TAGAP: variants seen among roughly 807,000 people sequenced by gnomAD.
The protein encoded by TAGAP is T cell activation RhoGTPase activating protein.
A neutral mutation model predicts 36.0 loss-of-function variants in TAGAP; 16 were observed. That is an observed-to-expected ratio of 0.44 (90% confidence interval 0.30 to 0.68). TAGAP has a LOEUF of 0.68. TAGAP is among the 30% of genes least tolerant of loss of function. The pLI is 0.09. For missense variants in TAGAP, 794 were observed against 921.5 expected (o/e 0.86, Z 1.79); for synonymous variants, 372 against 377.4 (o/e 0.99, Z 0.17).
In TAGAP at chr6:159,042,256, A is replaced by G; in HGVS notation, c.149-12T>C. On this transcript the variant is annotated splice_polypyrimidine_tract_variant and intron_variant, in intron 4 of 9. Coordinates refer to ENST00000367066, the MANE Select transcript of TAGAP (RefSeq NM_054114.5). Reference sequence around the variant, plus strand: ...TCTCTTCTTAACTTCTACAGCCAAGAAAACAAGGCAACGAGAAAAATTAGA... The same window carrying G: ...TCTCTTCTTAACTTCTACAGCCAAGGAAACAAGGCAACGAGAAAAATTAGA... 5 of 1,601,518 alleles carry G rather than the reference A, an allele frequency of 3.1e-6. No homozygotes were observed. Among genetic ancestry groups the G allele is most frequent in the Non-Finnish European group, 3.4e-6 (4 of 1,175,708 alleles).
At position 159,041,106 on chromosome 6, in the gene TAGAP, G is replaced by C. The variant is rs565683899; in HGVS notation, c.477+248C>G. ...GATTTTGACGTATGGATTCTGCCACGGAACAATCAAATTGCCCGTACTTGG... is the reference window on the plus strand; with the variant it reads ...GATTTTGACGTATGGATTCTGCCACCGAACAATCAAATTGCCCGTACTTGG... On this transcript the variant is annotated intron_variant, in intron 6 of 9. Transcript: ENST00000367066. This position sits in a 1 kb window ranked among gnomAD's most constrained non-coding sequence, Gnocchi z 4.1. 1.7e-6 allele frequency: 1 copy of C among 597,522 alleles called. No individual in the cohort carries two copies. Among genetic ancestry groups the C allele is most frequent in the African/African-American group, 1.9e-5 (1 of 53,892 alleles). 37.0% of individuals were successfully genotyped at this position (597,522 alleles called of 1,614,324 possible). A position where few individuals can be genotyped will look rare whatever the true frequency, so the allele number is the denominator to read the frequency against.
intron 1 of TAGAP, 138 bp downstream of exon 1, chr6:159,044,741 C>T (rs1779870103): frequency 2.6e-6 from 1 of 391,264 alleles, no homozygotes; most frequent in Non-Finnish European, 4.5e-6. Context: ...CACGTTGAAG[C>T]AAAGCTTTGT....
At chr6:159,043,831 T>C in intron 3 of TAGAP, 147 bp downstream of exon 3, 1 of 971,524 alleles carries the variant, frequency 1.0e-6, no homozygotes, top group Non-Finnish European at 1.6e-6. Context: ...TCATATAAGA[T>C]CCTAATTAAT....
chr6:159,038,020 C>A, intron 9 of TAGAP, 94 bp downstream of exon 9: 1 of 807,336 alleles, frequency 1.2e-6, no homozygotes, highest in South Asian at 1.6e-5. Context: ...GTGAAGGTAA[C>A]TTCTGCCTCA....
Position 159,041,871 on chromosome 6 carries a change from G to A in TAGAP, c.315+207C>T. 1.6e-6 allele frequency: 1 copy of A among 622,368 alleles called. No homozygotes were observed. Among genetic ancestry groups the A allele is most frequent in the Non-Finnish European group, 2.8e-6 (1 of 362,316 alleles). 38.6% of individuals were successfully genotyped at this position (622,368 alleles called of 1,614,324 possible). A position where few individuals can be genotyped will look rare whatever the true frequency, so the allele number is the denominator to read the frequency against. ...CGGGACCATAGCTCTGAGCTCATTG[G>A]CAAATACAACTAATTTCAATTTCTG... On this transcript the variant is annotated intron_variant, in intron 5 of 9. Coordinates refer to ENST00000367066, the MANE Select transcript of TAGAP (RefSeq NM_054114.5). This position sits in a 1 kb window ranked among gnomAD's most constrained non-coding sequence, Gnocchi z 4.1.
In TAGAP at chr6:159,041,061, T is replaced by G; in HGVS notation, c.478-229A>C. The G allele has an allele frequency of 1.7e-6, 1 of 588,066 alleles. No homozygotes were observed. Among genetic ancestry groups the G allele is most frequent in the Non-Finnish European group, 3.0e-6 (1 of 335,250 alleles). 36.4% of individuals were successfully genotyped at this position (588,066 alleles called of 1,614,324 possible). A position where few individuals can be genotyped will look rare whatever the true frequency, so the allele number is the denominator to read the frequency against. Reference sequence around the variant, plus strand: ...GTCAGAGGCACCATCCCCAGGTGGGTGTGTTCTGAGGGGCCACTGGATTTT... The same window carrying G: ...GTCAGAGGCACCATCCCCAGGTGGGGGTGTTCTGAGGGGCCACTGGATTTT... On this transcript the variant is annotated intron_variant, in intron 6 of 9. Transcript: ENST00000367066. This position sits in a 1 kb window ranked among gnomAD's most constrained non-coding sequence, Gnocchi z 4.1.
At position 159,041,948 on chromosome 6, in the gene TAGAP, A is replaced by T. The variant is rs1779767867; in HGVS notation, c.315+130T>A. The T allele has an allele frequency of 4.0e-6, 4 of 1,009,964 alleles. No individual in the cohort carries two copies. Among genetic ancestry groups the T allele is most frequent in the Non-Finnish European group, 5.9e-6 (4 of 677,204 alleles). 62.6% of individuals were successfully genotyped at this position (1,009,964 alleles called of 1,614,324 possible). ...GACTGCACGCGTATGTGGGAGTGCC[A>T]TGTTGAAGAGTGGAAAATATGGAAG... On this transcript the variant is annotated intron_variant, in intron 5 of 9. Transcript: ENST00000367066. This position sits in a 1 kb window ranked among gnomAD's most constrained non-coding sequence, Gnocchi z 4.1.
At chr6:159,039,396 TC>T in intron 7 of TAGAP, 87 bp from the exon 8 acceptor site, 1 of 1,389,056 alleles carries the variant, frequency 7.2e-7, no homozygotes, top group Non-Finnish European at 9.9e-7. Flanking sequence ...AAACCAGACT[TC>T]CTTTAAAATG....
chr6:159,042,546 A>G, intron 4 of TAGAP: 2 of 337,230 alleles, frequency 5.9e-6, no homozygotes, highest in South Asian at 5.1e-5. Context: ...AAAATTAGCA[A>G]AACCTAACTG....
At chr6:159,039,016 G>A in intron 8 of TAGAP, 98 bp downstream of exon 8, 1 of 1,592,252 alleles carries the variant, frequency 6.3e-7, no homozygotes, top group East Asian at 2.3e-5. Flanking sequence ...GTGATTCTGA[G>A]TCAGTTGGAG....
At position 159,036,971 on chromosome 6, in the gene TAGAP, C is replaced by A. The variant is rs562716751; in HGVS notation, c.1052G>T (p.Arg351Leu). The stretch of plus-strand genomic sequence containing the variant: ...CACAATGGGCTCTGGGCTGACCTCT[C>A]GGGCATCCTGTGGGCCCGCGCTATC... ...GLDSAGPQDA[R>L]EVSPEPIVST... is the part of the protein sequence containing the mutation. Residue 351 changes from arginine (R) to leucine (L), a missense_variant, in exon 10 of 10, where the codon CGA (arginine) becomes CTA (leucine). Physicochemically the swap from Arg to Leu is moderately radical, Grantham distance 102. Coordinates refer to ENST00000367066, the MANE Select transcript of TAGAP (RefSeq NM_054114.5). The surrounding 1 kb of genome is among the most constrained non-coding windows in gnomAD (Gnocchi z 4.9). 5.0e-6 allele frequency: 8 copies of A among 1,613,586 alleles called. No homozygotes were observed. In the South Asian group the frequency reaches 8.8e-5, roughly 18 times the overall value.
Position 159,044,784 on chromosome 6 carries a change from C to T in TAGAP, c.-59+95G>A, listed in dbSNP as rs150265331. ...CTTTATAAAGTGAGAGCATATTCCA[C>T]GGGATAGCTGTTTTCTGTTGCCTGT... is the stretch of plus-strand genomic sequence containing the variant. On this transcript the variant is annotated intron_variant, in intron 1 of 9. Transcript: ENST00000367066. The T allele has an allele frequency of 3.4e-3, 1,327 of 394,762 alleles. 3 individuals are homozygous for T. Among genetic ancestry groups the T allele is most frequent in the Middle Eastern group, 0.027 (43 of 1,574 alleles). The allele number at this position is 394,762 out of a possible 1,614,324, so 24.5% of individuals were successfully genotyped here.
At chr6:159,043,489 C>CA in intron 4 of TAGAP, 100 bp downstream of exon 4, 3 of 1,113,828 alleles carry the variant, frequency 2.7e-6, no homozygotes, top group Non-Finnish European at 1.4e-6. Flanking sequence ...ACAACTTATA[C>CA]AAAAAAATTC....
chr6:159,037,007 G>T lies in TAGAP; in HGVS notation c.1016C>A (p.Ala339Asp), dbSNP rs758731322. Residue 339 changes from alanine (A) to aspartate (D), a missense_variant, in exon 10 of 10, where the codon GCT becomes GAT. Transcript: ENST00000367066. The surrounding 1 kb of genome is among the most constrained non-coding windows in gnomAD (Gnocchi z 5.1). ...TGGGCCCGCGCTATCCAAGCCAGCAGCTGTGGCCATGGGCACCTGGGGCTG... is the reference window on the plus strand; with the variant it reads ...TGGGCCCGCGCTATCCAAGCCAGCATCTGTGGCCATGGGCACCTGGGGCTG... ...SRQPQVPMATAAGLDSAGPQD... is the reference protein window; with the variant it reads ...SRQPQVPMATDAGLDSAGPQD... The T allele has an allele frequency of 9.9e-6, 16 of 1,613,910 alleles. No homozygotes were observed.
At position 159,036,717 on chromosome 6, in the gene TAGAP, T is replaced by C; in HGVS notation, c.1306A>G (p.Arg436Gly). Residue 436 changes from arginine to glycine, a missense_variant, in exon 10 of 10, where the codon AGG becomes GGG. Arg to Gly is a moderately radical substitution (Grantham distance 125, BLOSUM62 -2). Coordinates refer to ENST00000367066, the MANE Select transcript of TAGAP (RefSeq NM_054114.5). This position sits in a 1 kb window ranked among gnomAD's most constrained non-coding sequence, Gnocchi z 4.9. ...VFPAVQGKTK[R>G]PVDLKIKNLA... ...TTCTTGATCTTCAGGTCCACCGGCC[T>C]CTTGGTTTTGCCTTGCACTGCAGGG... 1 of 1,614,178 alleles carries C rather than the reference T, an allele frequency of 6.2e-7. No homozygotes were observed.
chr6:159,036,545 G>A lies in TAGAP; in HGVS notation c.1478C>T (p.Thr493Ile). 1 of 1,614,166 alleles carries A rather than the reference G, an allele frequency of 6.2e-7. No homozygotes were observed. The highest frequency in any genetic ancestry group is 2.2e-5 in the East Asian group (1 of 44,878). Residue 493 changes from threonine to isoleucine, a missense_variant, in exon 10 of 10, where the codon ACA (threonine) becomes ATA (isoleucine). By Grantham distance (89) the Thr-to-Ile change is moderately conservative (BLOSUM62 -1). Coordinates refer to ENST00000367066, the MANE Select transcript of TAGAP (RefSeq NM_054114.5). The surrounding 1 kb of genome is among the most constrained non-coding windows in gnomAD (Gnocchi z 4.9). ...NFFSRHQSFT[T>I]KTEKGKPSRE... ...GCTGGGCTTGCCTTTCTCTGTCTTT[G>A]TGGTGAAAGACTGATGTCTGCTGAA...
Position 159,041,728 on chromosome 6 carries a change from A to G in TAGAP, c.316-213T>C, listed in dbSNP as rs1252252059. 4 of 573,738 alleles carry G rather than the reference A, an allele frequency of 7.0e-6. No homozygotes were observed. In the African/African-American group the frequency reaches 7.5e-5, roughly 11 times the overall value. 35.5% of individuals were successfully genotyped at this position (573,738 alleles called of 1,614,324 possible). ...TCACTTTGGAGCTCTCTCCTTTCAAATACTTCCATATGAACATTGGATTTC... is the reference window on the plus strand; with the variant it reads ...TCACTTTGGAGCTCTCTCCTTTCAAGTACTTCCATATGAACATTGGATTTC... On this transcript the variant is annotated intron_variant, in intron 5 of 9. Transcript: ENST00000367066. This position sits in a 1 kb window ranked among gnomAD's most constrained non-coding sequence, Gnocchi z 4.1.
Position 159,040,602 on chromosome 6 carries a change from G to A in TAGAP, c.587+121C>T, listed in dbSNP as rs949957096. ...GGGAGTGGACGAGCAATTCCACTCGGATTCCCTAAACATCACAATTCTCAT... is the reference window on the plus strand; with the variant it reads ...GGGAGTGGACGAGCAATTCCACTCGAATTCCCTAAACATCACAATTCTCAT... On this transcript the variant is annotated intron_variant, in intron 7 of 9. Coordinates refer to ENST00000367066, the MANE Select transcript of TAGAP (RefSeq NM_054114.5). The A allele has an allele frequency of 2.9e-5, 23 of 786,142 alleles. No individual in the cohort carries two copies. The African/African-American group carries it at 3.1e-4, about 11-fold the overall frequency. The allele number at this position is 786,142 out of a possible 1,614,324, so 48.7% of individuals were successfully genotyped here.
intron 3 of TAGAP, 148 bp from the exon 4 acceptor site, chr6:159,043,803 T>C: frequency 9.8e-7 from 1 of 1,024,038 alleles, no homozygotes; most frequent in South Asian, 1.5e-5. Flanking sequence ...AGAAGCAATA[T>C]TAAGGTCTTG....
Sources: gnomAD v4.1 joint callset for allele counts on GRCh38, gnomAD v4.1.1 for gene constraint, Gnocchi (gnomAD v3.1) non-coding constraint, MANE v1.5 for transcripts, NCBI Gene and HGNC (gene_info 2026-07-23, HGNC 2026-07-21) for gene names.